INTU: variants seen among roughly 807,000 people sequenced by gnomAD.
INTU encodes inturned planar cell polarity protein, also known as protein inturned.
In INTU, 68 loss-of-function variants were observed where a neutral mutation model predicts 100.5. The observed-to-expected ratio is 0.68, with a 90% CI of 0.56 to 0.83. The LOEUF is 0.83. INTU is among the 40% of genes least tolerant of loss of function. INTU has a pLI of 0.00. For synonymous variants in INTU, 357 were observed against 395.7 expected, an observed-to-expected ratio of 0.90 and a Z score of 1.16; for missense variants, 1,071 against 1,114.7, an observed-to-expected ratio of 0.96 and a Z score of 0.56.
At chr4:127,682,701 T>A (rs1578596226) in intron 6 of INTU, among the ~76,000 whole-genome samples, 1 of 151,698 alleles carries the variant, frequency 6.6e-6, no homozygotes. Context: ...CATATGTAAC[T>A]AACCTGCACA....
At chr4:127,638,345 A>T (rs1317138659) in intron 1 of INTU, among the ~76,000 whole-genome samples, 1 of 152,170 alleles carries the variant, frequency 6.6e-6, no homozygotes, top group African/African-American at 2.4e-5. Context: ...AAAAAAGTAT[A>T]CTATAACAGA....
chr4:127,715,790 A>G (rs1441003225), intron 15 of INTU, among the ~76,000 whole-genome samples: 2 of 152,242 alleles, frequency 1.3e-5, no homozygotes, highest in African/African-American at 2.4e-5. Context: ...AGAGAAATTT[A>G]AGAAAATCAG....
chr4:127,647,586 G>A (rs189029228), intron 2 of INTU, among the ~76,000 whole-genome samples: 74 of 152,270 alleles, frequency 4.9e-4, no homozygotes, highest in Admixed American at 1.8e-3. Context: ...GCTGTGTAAG[G>A]TAGCATATTC....
At chr4:127,650,458 G>C (rs1432661238) in intron 2 of INTU, among the ~76,000 whole-genome samples, 2 of 148,342 alleles carry the variant, frequency 1.3e-5, no homozygotes, top group Non-Finnish European at 3.0e-5. Flanking sequence ...CCATCTATGA[G>C]TGAGAATATG....
chr4:127,684,791 C>CT (rs111948363), intron 7 of INTU, among the ~76,000 whole-genome samples: 150 of 146,018 alleles, frequency 1.0e-3, no homozygotes, highest in East Asian at 8.0e-4. Context: ...GATTCATTTC[C>CT]TTTTTTTTTT....
chr4:127,678,835 G>A (rs1002142627), intron 6 of INTU, among the ~76,000 whole-genome samples: 1 of 151,942 alleles, frequency 6.6e-6, no homozygotes, highest in Non-Finnish European at 1.5e-5. Context: ...AGACCCATCA[G>A]TGTGCTGTAT....
At position 127,722,657 on chromosome 4, in the gene INTU, C is replaced by G. The variant is rs1731362327; in HGVS notation, c.*6221C>G. 1 of 152,348 alleles carries G rather than the reference C, an allele frequency of 6.6e-6. No homozygotes were observed. Among genetic ancestry groups the G allele is most frequent in the Non-Finnish European group, 1.5e-5 (1 of 68,138 alleles). The allele number at this position is 152,348 out of a possible 1,614,324, so 9.4% of individuals were successfully genotyped here. A position where few individuals can be genotyped will look rare whatever the true frequency, so the allele number is the denominator to read the frequency against. Reference sequence around the variant, plus strand: ...ACCCCTGGCTGGGGATGCTGAGATTCCCACAGGGAGGCCCTGTCCAGTGAA... The same window carrying G: ...ACCCCTGGCTGGGGATGCTGAGATTGCCACAGGGAGGCCCTGTCCAGTGAA... On this transcript the variant is annotated 3_prime_UTR_variant, in exon 16 of 16. Transcript: ENST00000335251.
chr4:127,647,577 C>A (rs1232026833), intron 2 of INTU, among the ~76,000 whole-genome samples: 5 of 152,142 alleles, frequency 3.3e-5, no homozygotes, highest in Non-Finnish European at 1.5e-5. Flanking sequence ...GTCCTTCTTG[C>A]TGTGTAAGGT....
At chr4:127,712,805 G>A (rs561518148) in intron 14 of INTU, among the ~76,000 whole-genome samples, 11 of 152,316 alleles carry the variant, frequency 7.2e-5, no homozygotes, top group African/African-American at 2.6e-4. Context: ...GAGCATTACC[G>A]CCTGAGGTCT....
Position 127,679,767 on chromosome 4 carries a change from A to G in INTU, c.1182-4642A>G, listed in dbSNP as rs1729427611. On this transcript the variant is annotated intron_variant, in intron 6 of 15. Coordinates refer to ENST00000335251, the MANE Select transcript of INTU (RefSeq NM_015693.4). ...ATAACTAAAATCAGAGCAGAACTGA[A>G]GGAAATAGAGACACAAAAAACCCTT... 4.6e-5 allele frequency among the ~76,000 whole-genome samples: 7 copies of G among 152,086 alleles called. No homozygotes were observed. In the South Asian group the frequency reaches 1.3e-3, roughly 27 times the overall value.
rs1209204705 is a variant in INTU, at chr4:127,726,430, T to A, written c.*9994T>A. ...CTATAAAAGTGTTAGCTACTACTGC[T>A]ACCATTTATTATTATCATTATTAAA... On this transcript the variant is annotated 3_prime_UTR_variant, in exon 16 of 16. Coordinates refer to ENST00000335251, the MANE Select transcript of INTU (RefSeq NM_015693.4). 1.3e-5 allele frequency: 2 copies of A among 152,364 alleles called. No homozygotes were observed. Among genetic ancestry groups the A allele is most frequent in the Admixed American group, 1.3e-4 (2 of 15,310 alleles). 9.4% of individuals were successfully genotyped at this position (152,364 alleles called of 1,614,324 possible). A position where few individuals can be genotyped will look rare whatever the true frequency, so the allele number is the denominator to read the frequency against.
chr4:127,690,579 A>G (rs149746908), intron 8 of INTU, among the ~76,000 whole-genome samples: 3 of 152,352 alleles, frequency 2.0e-5, no homozygotes, highest in East Asian at 3.9e-4. Context: ...ATTAAGAACA[A>G]TACTTTTGGG....
In INTU at chr4:127,725,475, G is replaced by GA; in HGVS notation, c.*9043dup. ...GTCTTAAATTTCTGGATATGTCCCT[G>GA]AAAATACCATGAACTACTTCTAATA... On this transcript the variant is annotated 3_prime_UTR_variant, in exon 16 of 16. Transcript: ENST00000335251. 6.6e-6 allele frequency: 1 copy of GA among 152,244 alleles called. No homozygotes were observed. Among genetic ancestry groups the GA allele is most frequent in the South Asian group, 2.1e-4 (1 of 4,828 alleles). 9.4% of individuals were successfully genotyped at this position (152,244 alleles called of 1,614,324 possible). A position where few individuals can be genotyped will look rare whatever the true frequency, so the allele number is the denominator to read the frequency against.
intron 1 of INTU, among the ~76,000 whole-genome samples, chr4:127,638,116 A>G (rs548507712): frequency 2.0e-5 from 3 of 152,360 alleles, no homozygotes; most frequent in African/African-American, 7.2e-5. Context: ...TATTGTTGGT[A>G]GACAGAACAC....
chr4:127,694,588 G>A (rs973472464), intron 8 of INTU, among the ~76,000 whole-genome samples: 1 of 152,060 alleles, frequency 6.6e-6, no homozygotes, highest in African/African-American at 2.4e-5. Context: ...AAAAGTTAGT[G>A]TCATACCCAG....
chr4:127,673,973 G>A (rs1375380294), intron 5 of INTU, 151 bp from the exon 6 acceptor site: 2 of 426,614 alleles, frequency 4.7e-6, no homozygotes, highest in Non-Finnish European at 8.1e-6. Context: ...ATAATTCCTT[G>A]CGTTTTTTAT....
rs370459499 is a variant in INTU, at chr4:127,706,797, A to G, written c.2099A>G (p.Tyr700Cys). The G allele has an allele frequency of 1.5e-5, 25 of 1,614,102 alleles. No homozygotes were observed. The African/African-American group carries it at 2.0e-4, about 13-fold the overall frequency. Residue 700 changes from tyrosine (Y) to cysteine (C), a missense_variant, in exon 12 of 16, where the codon TAT (tyrosine) becomes TGT (cysteine). By Grantham distance (194) the Tyr-to-Cys change is radical (BLOSUM62 -2). Coordinates refer to ENST00000335251, the MANE Select transcript of INTU (RefSeq NM_015693.4). ...PTCRRTLFGDYSLKTRKPSPS... is the reference protein window; with the variant it reads ...PTCRRTLFGDCSLKTRKPSPS... ...TGCAGAAGAACGCTTTTTGGTGACT[A>G]TTCCTTAAAGACACGCAAGCCTAGT...
chr4:127,659,572 T>C (rs1467761314), intron 3 of INTU, among the ~76,000 whole-genome samples: 6 of 152,244 alleles, frequency 3.9e-5, no homozygotes, highest in Non-Finnish European at 7.3e-5. Flanking sequence ...TTGTTGACTT[T>C]TGTGACCCTG....
intron 13 of INTU, among the ~76,000 whole-genome samples, chr4:127,709,150 G>A (rs1730999751): frequency 1.3e-5 from 2 of 152,264 alleles, no homozygotes; most frequent in South Asian, 2.1e-4. Context: ...ATTCCTCCCT[G>A]GGAGGAGCCC....
Sources: allele counts gnomAD v4.1 joint callset (sites outside exome capture counted in the v4.1 genomes callset), GRCh38; gene constraint gnomAD v4.1.1; transcripts MANE v1.5; gene names NCBI Gene and HGNC (gene_info 2026-07-23, HGNC 2026-07-21).